Variants in EDC3 observed in about 807,000 individuals in gnomAD.
EDC3 encodes the protein enhancer of mRNA-decapping protein 3.
EDC3 carries 20 observed loss-of-function variants against 41.8 expected under a neutral mutation model. The ratio of observed to expected loss-of-function variants is 0.48; its 90% CI spans 0.34 to 0.70. The LOEUF is 0.70. Among genes scored for constraint, EDC3 ranks in the 30% least tolerant of loss-of-function variants. EDC3 has a pLI of 0.01. For missense variants in EDC3, 444 were observed against 636.8 expected (o/e 0.70, Z 3.26); for synonymous variants, 206 against 243.2 (o/e 0.85, Z 1.42).
intron 6 of EDC3, among the ~76,000 whole-genome samples, chr15:74,633,804 C>A (rs780715600): frequency 9.9e-5 from 15 of 152,196 alleles, no homozygotes; most frequent in Non-Finnish European, 1.5e-4. Flanking sequence ...GGAACCCACA[C>A]CAGGCCCCCT....
At chr15:74,677,066 TTTC>T (rs2062813557) in intron 1 of EDC3, 1 of 149,806 alleles carries the variant, frequency 6.7e-6, no homozygotes, top group Non-Finnish European at 1.5e-5. Context: ...AGTATGCATT[TTTC>T]TTTTTTTTTT....
intron 2 of EDC3, among the ~76,000 whole-genome samples, chr15:74,673,983 T>TA (rs2062772321): frequency 1.3e-5 from 2 of 150,116 alleles, no homozygotes; most frequent in African/African-American, 4.9e-5. Context: ...AAAAGGAACA[T>TA]AAAAAACAAC....
At chr15:74,678,638 C>G (rs758286901) in intron 1 of EDC3, among the ~76,000 whole-genome samples, 16 of 152,118 alleles carry the variant, frequency 1.1e-4, no homozygotes, top group Non-Finnish European at 1.9e-4. Flanking sequence ...GCCTGTAATC[C>G]CAGCACTTTG....
At chr15:74,654,790 A>T (rs994871582) in intron 4 of EDC3, among the ~76,000 whole-genome samples, 8 of 151,056 alleles carry the variant, frequency 5.3e-5, no homozygotes, top group South Asian at 2.1e-4. Context: ...TATTATCTAT[A>T]AAAAAAAAGC....
At chr15:74,647,118 T>C (rs1449033718) in intron 4 of EDC3, among the ~76,000 whole-genome samples, 3 of 151,684 alleles carry the variant, frequency 2.0e-5, no homozygotes, top group Admixed American at 2.0e-4. Flanking sequence ...CAAGTGATTC[T>C]CCTGCCTCAG....
chr15:74,693,111 C>T (rs2063026647), intron 1 of EDC3: 1 of 152,176 alleles, frequency 6.6e-6, no homozygotes, highest in Non-Finnish European at 1.5e-5. Context: ...TTACTCTTAG[C>T]ACATCTAGAT....
At chr15:74,637,716 G>A (rs2062290735) in intron 5 of EDC3, 1 of 152,206 alleles carries the variant, frequency 6.6e-6, no homozygotes, top group Non-Finnish European at 1.5e-5. Flanking sequence ...CCCAGAGAAT[G>A]AAAATAGGCT....
intron 1 of EDC3, among the ~76,000 whole-genome samples, chr15:74,692,201 T>C (rs1261178712): frequency 6.6e-6 from 1 of 152,196 alleles, no homozygotes; most frequent in African/African-American, 2.4e-5. Flanking sequence ...AAGCCTTTCA[T>C]CTGGCCTTTG....
At chr15:74,665,876 C>T (rs946091808) in intron 3 of EDC3, among the ~76,000 whole-genome samples, 3 of 150,894 alleles carry the variant, frequency 2.0e-5, no homozygotes, top group Admixed American at 2.0e-4. Flanking sequence ...CAGCTCACTG[C>T]AACCTCCGAC....
rs1217067730 is a variant in EDC3, at chr15:74,655,887, A to G, written c.666T>C (p.Ile222=). 6.2e-7 allele frequency: 1 copy of G among 1,614,008 alleles called. No individual in the cohort carries two copies. The highest frequency in any genetic ancestry group is 8.5e-7 in the Non-Finnish European group (1 of 1,180,028). The change falls in exon 4 of 7, where the codon ATT becomes ATC. Residue 222 remains isoleucine (I), a synonymous_variant. Coordinates refer to ENST00000315127, the MANE Select transcript of EDC3 (RefSeq NM_025083.5). ...TACCACTTCTCCTTTCATAGGTATCAATCTCCTCAAACACAGCTGCCTTGT... is the reference window on the plus strand; with the variant it reads ...TACCACTTCTCCTTTCATAGGTATCGATCTCCTCAAACACAGCTGCCTTGT... ...LFDKAAVFEE[I]DTYERRSGTR...
intron 1 of EDC3, among the ~76,000 whole-genome samples, chr15:74,688,730 AC>A (rs2062966475): frequency 6.6e-6 from 1 of 152,038 alleles, no homozygotes; most frequent in Non-Finnish European, 1.5e-5. Flanking sequence ...ACATGGCAAA[AC>A]CCTGTCTCTA....
rs1263574353 is a variant in EDC3 at position 74,655,058 on chromosome 15, G to A, written c.820+675C>T. Among the ~76,000 whole-genome samples the A allele has an allele frequency of 6.6e-5, 10 of 152,246 alleles. No individual in the cohort carries two copies. In the East Asian group the frequency reaches 1.5e-3, roughly 23 times the overall value. The stretch of plus-strand genomic sequence containing the variant: ...GGTTTGAGGGGAAGGGATGGGACAC[G>A]GATGTGATGAATTACCTCTCTCACA... On this transcript the variant is annotated intron_variant, in intron 4 of 6. Transcript: ENST00000315127.
rs1292945700 is a variant in EDC3 at position 74,681,150 on chromosome 15, T to C, written c.-18-6008A>G. Among the ~76,000 whole-genome samples the C allele has an allele frequency of 2.9e-4, 44 of 152,096 alleles. 1 individual carries two copies. On this transcript the variant is annotated intron_variant, in intron 1 of 6. Transcript: ENST00000315127. ...ACAAGGAAAGGCAAAGAAACTAAAA[T>C]AGCTAAATCAATATTTTTTTTGAGA...
intron 5 of EDC3, chr15:74,635,914 T>G (rs762808035): frequency 4.4e-6 from 2 of 454,836 alleles, no homozygotes; most frequent in Non-Finnish European, 8.1e-6. Flanking sequence ...TGCTGACCCA[T>G]GAACACTTAA....
At position 74,671,028 on chromosome 15, in the gene EDC3, GT is replaced by G. The variant is rs78353509; in HGVS notation, c.484+426del. ...TACCAACATCAGTAACAGGATTTAA[GT>G]TTTTTTTTTTTTCTTTTTCAGAAAC... On this transcript the variant is annotated intron_variant, in intron 3 of 6. Transcript: ENST00000315127. The surrounding 1 kb of genome is among the most constrained non-coding windows in gnomAD (Gnocchi z 4.6). 2.0e-4 allele frequency among the ~76,000 whole-genome samples: 29 copies of G among 146,332 alleles called. No homozygotes were observed. The highest frequency in any genetic ancestry group is 4.7e-4 in the African/African-American group (19 of 40,020).
chr15:74,636,397 AG>A (rs1281445856), intron 5 of EDC3: 1 of 152,306 alleles, frequency 6.6e-6, no homozygotes, highest in Non-Finnish European at 1.5e-5. Context: ...CAGCAGGCCA[AG>A]GGTTACCTGG....
intron 2 of EDC3, among the ~76,000 whole-genome samples, chr15:74,673,269 G>A (rs2062760794): frequency 6.6e-6 from 1 of 152,004 alleles, no homozygotes; most frequent in South Asian, 2.1e-4. Context: ...AAGGGAGAAG[G>A]GATCAAGAGA....
At chr15:74,640,671 C>T in intron 4 of EDC3, 52 bp from the exon 5 acceptor site, 3 of 1,609,228 alleles carry the variant, frequency 1.9e-6, no homozygotes, top group Non-Finnish European at 2.5e-6. Flanking sequence ...AAACCAAGTC[C>T]AAACCGGGTA....
At chr15:74,688,155 C>G (rs892450670) in intron 1 of EDC3, among the ~76,000 whole-genome samples, 14 of 152,176 alleles carry the variant, frequency 9.2e-5, no homozygotes, top group African/African-American at 3.4e-4. Context: ...CAGGTTTATT[C>G]TATAAAGAAA....
Sources: gnomAD v4.1 joint callset for allele counts (sites outside exome capture counted in the v4.1 genomes callset) on GRCh38, gnomAD v4.1.1 for gene constraint, Gnocchi (gnomAD v3.1) non-coding constraint, MANE v1.5 for transcripts, NCBI Gene and HGNC (gene_info 2026-07-23, HGNC 2026-07-21) for gene names.